DOK5: variants seen among roughly 807,000 people sequenced by gnomAD.
DOK5 encodes the protein docking protein 5.
DOK5 carries 27 observed loss-of-function variants against 43.3 expected under a neutral mutation model. That is an observed-to-expected ratio of 0.62 (90% CI 0.46 to 0.86). DOK5 has a LOEUF of 0.86. Among genes scored for constraint, DOK5 ranks in the 40% least tolerant of loss-of-function variants. DOK5 has a pLI of 0.00. For missense variants in DOK5, 373 were observed against 392.9 expected, an observed-to-expected ratio of 0.95 and a Z score of 0.43; for synonymous variants, 146 against 140.1, an observed-to-expected ratio of 1.04 and a Z score of -0.30.
chr20:54,588,251 T>C (rs73276988), intron 2 of DOK5, among the ~76,000 whole-genome samples: 1,982 of 152,314 alleles, frequency 0.013, 43 homozygotes, highest in African/African-American at 0.043. Flanking sequence ...TTCCACTTAA[T>C]ACGTTTCAGA....
At chr20:54,648,588 G>A (rs1979551887) in intron 7 of DOK5, among the ~76,000 whole-genome samples, 1 of 152,148 alleles carries the variant, frequency 6.6e-6, no homozygotes, top group Non-Finnish European at 1.5e-5. Flanking sequence ...CCCTGAGTCA[G>A]AAATGAGCTG....
At chr20:54,538,603 G>C (rs1191870360) in intron 1 of DOK5, among the ~76,000 whole-genome samples, 1 of 152,144 alleles carries the variant, frequency 6.6e-6, no homozygotes, top group Non-Finnish European at 1.5e-5. Context: ...TCTAAATTAG[G>C]TTTGATGTTT....
intron 2 of DOK5, among the ~76,000 whole-genome samples, chr20:54,576,052 A>G (rs928420982): frequency 7.2e-5 from 11 of 152,200 alleles, no homozygotes; most frequent in Non-Finnish European, 1.3e-4. Context: ...CAGAAAACAA[A>G]GAATACCTTT....
At chr20:54,500,230 G>A (rs1360222912) in intron 1 of DOK5, among the ~76,000 whole-genome samples, 2 of 151,846 alleles carry the variant, frequency 1.3e-5, no homozygotes, top group African/African-American at 2.4e-5. Context: ...ATTTCTTTAG[G>A]AAAAAAGACT....
At chr20:54,598,008 A>G (rs1666941544) in intron 5 of DOK5, among the ~76,000 whole-genome samples, 1 of 152,120 alleles carries the variant, frequency 6.6e-6, no homozygotes, top group Admixed American at 6.5e-5. Flanking sequence ...GCACTGGGGT[A>G]TAAATGTTCT....
Position 54,591,613 on chromosome 20 carries a change from C to A in DOK5, c.410-3C>A, listed in dbSNP as rs1441224592. ...TTAGACTAACCTTTTGTTTTTCTCC[C>A]AGAGAGATTCAATGTGTATTTGATG... On this transcript the variant is annotated splice_polypyrimidine_tract_variant and splice_region_variant and intron_variant, in intron 4 of 7. Transcript: ENST00000262593. 6.3e-7 allele frequency: 1 copy of A among 1,581,126 alleles called. No individual in the cohort carries two copies.
intron 1 of DOK5, among the ~76,000 whole-genome samples, chr20:54,526,133 G>T (rs1983566568): frequency 7.1e-6 from 1 of 141,024 alleles, no homozygotes; most frequent in Admixed American, 6.9e-5. Context: ...AGTAAACCAA[G>T]ATTTTTCTTT....
intron 5 of DOK5, among the ~76,000 whole-genome samples, chr20:54,608,443 TG>T (rs1186587435): frequency 1.3e-5 from 2 of 152,190 alleles, no homozygotes; most frequent in Non-Finnish European, 2.9e-5. Context: ...CAAGTTTGTA[TG>T]GCGGCTTAAA....
intron 2 of DOK5, among the ~76,000 whole-genome samples, chr20:54,571,871 C>A (rs1600709577): frequency 6.6e-6 from 1 of 152,204 alleles, no homozygotes; most frequent in South Asian, 2.1e-4. Flanking sequence ...CCTCCCATCA[C>A]TCTTCCCTAC....
intron 5 of DOK5, among the ~76,000 whole-genome samples, chr20:54,597,173 G>A (rs925708989): frequency 1.3e-5 from 2 of 152,140 alleles, no homozygotes; most frequent in South Asian, 2.1e-4. Flanking sequence ...AAGGTCAAGA[G>A]GCTATTTGAC....
At chr20:54,572,700 C>G (rs1453896796) in intron 2 of DOK5, among the ~76,000 whole-genome samples, 1 of 151,904 alleles carries the variant, frequency 6.6e-6, no homozygotes, top group Non-Finnish European at 1.5e-5. Context: ...TTTTGTAGGT[C>G]TTGGGACCTT....
At chr20:54,583,537 A>G (rs938386090) in intron 2 of DOK5, among the ~76,000 whole-genome samples, 2 of 152,042 alleles carry the variant, frequency 1.3e-5, no homozygotes, top group Non-Finnish European at 2.9e-5. Flanking sequence ...CTATCAATCA[A>G]TGTTTACTTC....
chr20:54,635,595 C>T (rs1244221398), intron 6 of DOK5, among the ~76,000 whole-genome samples: 1 of 152,174 alleles, frequency 6.6e-6, no homozygotes, highest in Non-Finnish European at 1.5e-5. Context: ...TTGGAGTTGT[C>T]TCACCTATCT....
At chr20:54,589,410 T>G (rs537476878) in intron 4 of DOK5, among the ~76,000 whole-genome samples, 1 of 152,326 alleles carries the variant, frequency 6.6e-6, no homozygotes, top group East Asian at 1.9e-4. Context: ...AAAATACATA[T>G]TTTATTGAAA....
chr20:54,639,529 G>A (rs1979004064), intron 6 of DOK5, among the ~76,000 whole-genome samples: 1 of 152,106 alleles, frequency 6.6e-6, no homozygotes, highest in Non-Finnish European at 1.5e-5. Context: ...GAACTTCTGT[G>A]TCACCTTACA....
At chr20:54,566,722 T>G (rs1985111896) in intron 2 of DOK5, among the ~76,000 whole-genome samples, 2 of 152,134 alleles carry the variant, frequency 1.3e-5, no homozygotes. Flanking sequence ...CCTCAAGAGA[T>G]CCTCTCACTT....
intron 1 of DOK5, among the ~76,000 whole-genome samples, chr20:54,532,897 A>G (rs1056658050): frequency 9.2e-5 from 14 of 152,206 alleles, no homozygotes; most frequent in African/African-American, 3.4e-4. Flanking sequence ...TCCTCCTGGG[A>G]CAACTGGTAT....
chr20:54,547,993 G>A lies in DOK5; in HGVS notation c.67-6940G>A, dbSNP rs76098023. 8.3e-3 allele frequency among the ~76,000 whole-genome samples: 1,271 copies of A among 152,228 alleles called. 28 individuals carry two copies. Among genetic ancestry groups the A allele is most frequent in the African/African-American group, 0.03 (1,227 of 41,534 alleles). On this transcript the variant is annotated intron_variant, in intron 1 of 7. Transcript: ENST00000262593. ...TTTGACAATGTCTAGAGACAATTTT[G>A]GTTTTCAGTGGAGGTGGGAGAATCT... is the stretch of plus-strand genomic sequence containing the variant.
chr20:54,562,498 A>G (rs943147534), intron 2 of DOK5, among the ~76,000 whole-genome samples: 2 of 152,144 alleles, frequency 1.3e-5, no homozygotes, highest in Admixed American at 6.5e-5. Context: ...GGCTCATTGC[A>G]ACCTCTGCCT....
Sources: gnomAD v4.1 joint callset for allele counts (sites outside exome capture counted in the v4.1 genomes callset) on GRCh38, gnomAD v4.1.1 for gene constraint, MANE v1.5 for transcripts, NCBI Gene and HGNC (gene_info 2026-07-23, HGNC 2026-07-21) for gene names.